The following KBTBD3 variants were observed in gnomAD, a reference collection of about 807,000 sequenced individuals.
KBTBD3 encodes kelch repeat and BTB domain-containing protein 3.
Under a neutral mutation model 49.6 loss-of-function variants are expected in KBTBD3, and 38 were observed. That is an observed-to-expected ratio of 0.77 (90% CI 0.59 to 1.00). The LOEUF (loss-of-function observed/expected upper bound fraction) is 1.00, where lower values mean the gene tolerates loss of function less well. KBTBD3 is among the 50% of genes least tolerant of loss of function. KBTBD3 has a pLI of 0.00. For synonymous variants in KBTBD3, 214 were observed against 250.4 expected (o/e 0.85, Z 1.37); for missense variants, 661 against 712.0 (o/e 0.93, Z 0.81).
intron 2 of KBTBD3, among the ~76,000 whole-genome samples, chr11:106,060,335 T>G (rs1443694795): frequency 6.6e-6 from 1 of 152,060 alleles, no homozygotes; most frequent in Non-Finnish European, 1.5e-5. Context: ...GTAAAATAAC[T>G]ATTTTCCAAA....
At chr11:106,060,311 A>G (rs192268468) in intron 2 of KBTBD3, among the ~76,000 whole-genome samples, 15 of 152,200 alleles carry the variant, frequency 9.9e-5, no homozygotes, top group African/African-American at 3.4e-4. Flanking sequence ...ACAAAAATAT[A>G]TAAATGGATA....
At chr11:106,061,813 G>A (rs73537615) in intron 2 of KBTBD3, among the ~76,000 whole-genome samples, 14,130 of 151,518 alleles carry the variant, frequency 0.093, 698 homozygotes, top group Middle Eastern at 0.15. Context: ...ACATATACAA[G>A]TATATAGTAA....
intron 2 of KBTBD3, among the ~76,000 whole-genome samples, chr11:106,065,752 G>A (rs1307175367): frequency 6.6e-6 from 1 of 152,058 alleles, no homozygotes; most frequent in Non-Finnish European, 1.5e-5. Flanking sequence ...CCAGAGATCA[G>A]GAGTTCAAGA....
Position 106,052,875 on chromosome 11 carries a change from G to A in KBTBD3, c.1814C>T (p.Pro605Leu). 1 of 1,612,462 alleles carries A rather than the reference G, an allele frequency of 6.2e-7. No individual in the cohort carries two copies. The highest frequency in any genetic ancestry group is 8.5e-7 in the Non-Finnish European group (1 of 1,179,168). ...QVIQFNKYRD[P>L]WFSNLCA ...TCAAGCACATAGATTAGAAAACCAT[G>A]GGTCTCTGTATTTATTAAACTGAAT... is the stretch of plus-strand genomic sequence containing the variant. Residue 605 changes from proline to leucine, a missense_variant, in exon 4 of 4, where the codon CCA (proline) becomes CTA (leucine). Pro to Leu is a moderately conservative substitution (Grantham distance 98). Transcript: ENST00000531837.
rs997981454 is a variant in KBTBD3, at chr11:106,053,206, G to C, written c.1483C>G (p.Gln495Glu). ...TTAATTAATGTTGCATGAAAAAATT[G>C]CCCAAACTCTGCTACTAGTTCAGAC... ...QWSELVAEFG[Q>E]FFHATLIKAV... The change falls in exon 4 of 4, where the codon CAA (glutamine) becomes GAA (glutamate). Residue 495 changes from glutamine (Q) to glutamate (E), a missense_variant. Coordinates refer to ENST00000531837, the MANE Select transcript of KBTBD3 (RefSeq NM_198439.3). 5.0e-6 allele frequency: 8 copies of C among 1,613,562 alleles called. No homozygotes were observed. Among genetic ancestry groups the C allele is most frequent in the Non-Finnish European group, 5.9e-6 (7 of 1,179,776 alleles).
Position 106,059,058 on chromosome 11 carries a change from G to A in KBTBD3, c.40C>T (p.Arg14Ter), listed in dbSNP as rs372714290. The change falls in exon 3 of 4, where the codon CGA (arginine) becomes TGA (stop). Residue 14 changes from arginine to a stop codon, truncating the protein, a stop_gained. Coordinates refer to ENST00000531837, the MANE Select transcript of KBTBD3 (RefSeq NM_198439.3). LOFTEE classifies it high-confidence loss of function. ...GATGGAATTCCATTACATGTGCTTC[G>A]TTGATTGAAAGCATATGAATTATCC... is the stretch of plus-strand genomic sequence containing the variant. ...AMDNSYAFNQ[R>*]STCNGIPSEK... The A allele has an allele frequency of 3.2e-5, 49 of 1,551,542 alleles. No homozygotes were observed. Among genetic ancestry groups the A allele is most frequent in the Non-Finnish European group, 3.9e-5 (45 of 1,160,828 alleles).
chr11:106,073,618 T>C (rs1055747246), intron 2 of KBTBD3, among the ~76,000 whole-genome samples: 11 of 152,228 alleles, frequency 7.2e-5, no homozygotes, highest in African/African-American at 2.7e-4. Flanking sequence ...GGAAAGCCTT[T>C]CTGAAGTGTC....
intron 2 of KBTBD3, among the ~76,000 whole-genome samples, chr11:106,060,883 A>T (rs530305031): frequency 6.6e-6 from 1 of 152,304 alleles, no homozygotes; most frequent in East Asian, 1.9e-4. Flanking sequence ...AAATTTTTGC[A>T]ATCTACCCAT....
chr11:106,067,433 T>C (rs1018335073), intron 2 of KBTBD3, among the ~76,000 whole-genome samples: 1 of 151,868 alleles, frequency 6.6e-6, no homozygotes, highest in African/African-American at 2.4e-5. Flanking sequence ...GTGAAACACC[T>C]CTCTACTAAA....
At chr11:106,076,355 GTGTGTGTGC>G (rs1237020784) in intron 2 of KBTBD3, 143 bp downstream of exon 2, 4 of 152,220 alleles carry the variant, frequency 2.6e-5, no homozygotes, top group Admixed American at 1.3e-4. Flanking sequence ...GAATTTGTGT[GTGTGTGTGC>G]TCAGAATCCC....
At chr11:106,069,854 C>G (rs1033862181) in intron 2 of KBTBD3, among the ~76,000 whole-genome samples, 2 of 151,924 alleles carry the variant, frequency 1.3e-5, no homozygotes, top group African/African-American at 4.8e-5. Flanking sequence ...TACCTGATTT[C>G]AAGACTTACT....
chr11:106,073,556 T>G (rs943388573), intron 2 of KBTBD3, among the ~76,000 whole-genome samples: 3 of 152,326 alleles, frequency 2.0e-5, no homozygotes, highest in Non-Finnish European at 4.4e-5. Flanking sequence ...GGAGTTGGTA[T>G]GTGAACTCAG....
intron 2 of KBTBD3, among the ~76,000 whole-genome samples, chr11:106,064,214 C>T (rs1308455272): frequency 6.6e-6 from 1 of 151,970 alleles, no homozygotes; most frequent in African/African-American, 2.4e-5. Flanking sequence ...TTGTGCCAGC[C>T]TCCCTAACTC....
intron 2 of KBTBD3, among the ~76,000 whole-genome samples, chr11:106,060,295 A>G (rs1591535462): frequency 1.3e-5 from 2 of 152,146 alleles, no homozygotes; most frequent in South Asian, 4.1e-4. Flanking sequence ...ATAACTATAT[A>G]TAACTACAAA....
At chr11:106,055,772 A>G (rs1860538086) in intron 3 of KBTBD3, among the ~76,000 whole-genome samples, 1 of 152,198 alleles carries the variant, frequency 6.6e-6, no homozygotes, top group Non-Finnish European at 1.5e-5. Context: ...GGGTGCTGAG[A>G]AGAATAAATG....
At position 106,052,782 on chromosome 11, in the gene KBTBD3, C is replaced by G. The variant is rs986273105; in HGVS notation, c.*68G>C. ...TTTTATTTCATTAAGATGTATAGAT[C>G]TTTTTACCTATCATTTTGGTTAACA... On this transcript the variant is annotated 3_prime_UTR_variant, in exon 4 of 4. Transcript: ENST00000531837. The G allele has an allele frequency of 8.1e-7, 1 of 1,234,326 alleles. No individual in the cohort carries two copies. The highest frequency in any genetic ancestry group is 1.1e-6 in the Non-Finnish European group (1 of 875,712). The allele number at this position is 1,234,326 out of a possible 1,614,324, so 76.5% of individuals were successfully genotyped here.
intron 3 of KBTBD3, chr11:106,057,747 A>G (rs1860584421): frequency 7.1e-6 from 2 of 281,500 alleles, no homozygotes; most frequent in African/African-American, 4.4e-5. Context: ...GCTAAGAAGT[A>G]CTTTTCCCTA....
Position 106,059,081 on chromosome 11 carries a change from T to C in KBTBD3, c.17A>G (p.Asp6Gly). Residue 6 changes from aspartate to glycine, a missense_variant, in exon 3 of 4, where the codon GAT becomes GGT. Coordinates refer to ENST00000531837, the MANE Select transcript of KBTBD3 (RefSeq NM_198439.3). ...TCGTTGATTGAAAGCATATGAATTA[T>C]CCATAGCCAATTCCATATGTCCTTA... Reference protein sequence around the residue: MELAMDNSYAFNQRST... With the variant: MELAMGNSYAFNQRST... 6.4e-7 allele frequency: 1 copy of C among 1,550,636 alleles called. No individual in the cohort carries two copies. The highest frequency in any genetic ancestry group is 8.6e-7 in the Non-Finnish European group (1 of 1,158,894).
chr11:106,055,593 T>C (rs1860535159), intron 3 of KBTBD3, among the ~76,000 whole-genome samples: 1 of 152,130 alleles, frequency 6.6e-6, no homozygotes. Flanking sequence ...TTTAGGATAA[T>C]ATTAAGAGTC....
Sources: gnomAD v4.1 joint callset for allele counts (sites outside exome capture counted in the v4.1 genomes callset) on GRCh38, gnomAD v4.1.1 for gene constraint, MANE v1.5 for transcripts, NCBI Gene and HGNC (gene_info 2026-07-23, HGNC 2026-07-21) for gene names.